Variants in PTPRH observed in about 807,000 individuals in gnomAD.
The protein encoded by PTPRH is receptor-type tyrosine-protein phosphatase H.
Under a neutral mutation model 130.2 loss-of-function variants are expected in PTPRH, and 113 were observed. That is an observed-to-expected ratio of 0.87 (90% CI 0.75 to 1.01). The LOEUF is 1.01. Ranked by LOEUF, PTPRH falls within the 50% of genes least tolerant of loss-of-function variation. The probability of loss-of-function intolerance (pLI) is 0.00; values close to 1 mark genes in which losing one functional copy is unlikely to be tolerated. For missense variants in PTPRH, 1,430 were observed against 1,425.0 expected, an observed-to-expected ratio of 1.00 and a Z score of -0.06; for synonymous variants, 556 against 577.9, an observed-to-expected ratio of 0.96 and a Z score of 0.54.
intron 5 of PTPRH, among the ~76,000 whole-genome samples, chr19:55,203,053 G>A (rs1419683046): frequency 6.6e-6 from 1 of 151,412 alleles, no homozygotes; most frequent in East Asian, 2.0e-4. Context: ...AAAGGGCTGG[G>A]CACGGTGGCT....
intron 10 of PTPRH, among the ~76,000 whole-genome samples, chr19:55,195,150 C>T (rs2147479392): frequency 6.6e-6 from 1 of 152,128 alleles, no homozygotes; most frequent in Non-Finnish European, 1.5e-5. Flanking sequence ...CATAGCAAAA[C>T]CCCATCTCTA....
At chr19:55,194,196 C>T in intron 10 of PTPRH, 1 of 1,289,516 alleles carries the variant, frequency 7.8e-7, no homozygotes, top group Non-Finnish European at 1.0e-6. Context: ...TGGCACAGTT[C>T]TCCCAAGATC....
intron 19 of PTPRH, 49 bp from the exon 20 acceptor site, chr19:55,181,952 C>T (rs775667590): frequency 5.8e-5 from 93 of 1,613,580 alleles, no homozygotes; most frequent in Non-Finnish European, 7.5e-5. Context: ...GTCTGAGCTG[C>T]GTGGAGCCCC....
At chr19:55,184,727 C>A (rs1005922762) in intron 18 of PTPRH, among the ~76,000 whole-genome samples, 2 of 151,736 alleles carry the variant, frequency 1.3e-5, no homozygotes, top group Admixed American at 6.6e-5. Flanking sequence ...GCAGAGGTTG[C>A]AGTGAGCTGA....
intron 4 of PTPRH, among the ~76,000 whole-genome samples, chr19:55,204,261 A>C (rs909225766): frequency 1.3e-5 from 2 of 152,144 alleles, no homozygotes; most frequent in African/African-American, 2.4e-5. Context: ...GTGGGACTAC[A>C]GGTCTGCACC....
In PTPRH at chr19:55,200,311, T is replaced by C. The variant is rs747484540; in HGVS notation, c.1345A>G (p.Thr449Ala). 1.9e-6 allele frequency: 3 copies of C among 1,614,168 alleles called. No individual in the cohort carries two copies. Among genetic ancestry groups the C allele is most frequent in the Non-Finnish European group, 2.5e-6 (3 of 1,180,030 alleles). ...GCCCATACAGAGAATGTGTACAAGG[T>C]TCCGGGCTCAAGTCTCTCAGCTGTC... Reference protein sequence around the residue: ...SVTAERLEPGTLYTFSVWAEK... With the variant: ...SVTAERLEPGALYTFSVWAEK... Residue 449 changes from threonine to alanine, a missense_variant, in exon 7 of 20, where the codon ACC (threonine) becomes GCC (alanine). Transcript: ENST00000376350.
chr19:55,189,583 C>A (rs561823990), intron 12 of PTPRH: 2 of 426,690 alleles, frequency 4.7e-6, no homozygotes, highest in African/African-American at 2.0e-5. Flanking sequence ...CTGGGAGCGC[C>A]TTTCCCAGAT....
Position 55,197,237 on chromosome 19 carries a change from T to C in PTPRH, c.1870A>G (p.Arg624Gly), listed in dbSNP as rs1854935217. The C allele has an allele frequency of 1.2e-6, 2 of 1,614,278 alleles. No individual in the cohort carries two copies. Among genetic ancestry groups the C allele is most frequent in the Non-Finnish European group, 1.7e-6 (2 of 1,180,050 alleles). ...PQANWVNQTS[R>G]TNETWYKVEA... ...ACTTTGTACCACGTCTCATTGGTCC[T>C]GCTGGTCTGGTTGACCCAATTCGCT... Residue 624 changes from arginine (R) to glycine (G), a missense_variant, in exon 9 of 20, where the codon AGG (arginine) becomes GGG (glycine). Physicochemically the swap from Arg to Gly is moderately radical, Grantham distance 125. Transcript: ENST00000376350.
At chr19:55,197,772 A>C (rs926238211) in intron 8 of PTPRH, among the ~76,000 whole-genome samples, 3 of 151,750 alleles carry the variant, frequency 2.0e-5, no homozygotes, top group Non-Finnish European at 2.9e-5. Context: ...GTAGTCCTCC[A>C]CCTCTCATGG....
intron 16 of PTPRH, 88 bp downstream of exon 16, chr19:55,186,137 C>T (rs537618417): frequency 1.0e-5 from 16 of 1,569,134 alleles, no homozygotes; most frequent in East Asian, 2.3e-5. Flanking sequence ...TGGAGGAATC[C>T]GTAAGGTCTG....
At chr19:55,184,805 T>TAATAAAATAAAATAA (rs1468994145) in intron 18 of PTPRH, among the ~76,000 whole-genome samples, 2,223 of 150,744 alleles carry the variant, frequency 0.015, 66 homozygotes, top group African/African-American at 0.05. Context: ...TAAAATAAAA[T>TAATAAAATAAAATAA]AATAAAATAA....
intron 12 of PTPRH, 93 bp from the exon 13 acceptor site, chr19:55,188,261 C>G (rs2086424694): frequency 1.9e-6 from 2 of 1,045,512 alleles, no homozygotes; most frequent in South Asian, 2.6e-5. Context: ...GCCTGTAATC[C>G]CAGCACTTTG....
Position 55,186,558 on chromosome 19 carries a change from C to T in PTPRH, c.2567-18G>A, listed in dbSNP as rs1009884305. ...CCAGTCATCTAGGAGAAGAGGCCAG[C>T]ATTAGCCAGGCAGAGAGACCCAGAG... On this transcript the variant is annotated intron_variant, in intron 14 of 19. Coordinates refer to ENST00000376350, the MANE Select transcript of PTPRH (RefSeq NM_002842.5). The T allele has an allele frequency of 9.6e-6, 12 of 1,243,852 alleles. No individual in the cohort carries two copies. In the Admixed American group the frequency reaches 1.7e-4, roughly 18 times the overall value. 77.1% of individuals were successfully genotyped at this position (1,243,852 alleles called of 1,614,324 possible).
At position 55,200,469 on chromosome 19, in the gene PTPRH, G is replaced by T. The variant is rs1277184318; in HGVS notation, c.1187C>A (p.Thr396Asn). 1.2e-6 allele frequency: 2 copies of T among 1,614,040 alleles called. No homozygotes were observed. Among genetic ancestry groups the T allele is most frequent in the Non-Finnish European group, 1.7e-6 (2 of 1,180,032 alleles). Residue 396 changes from threonine (T) to asparagine (N), a missense_variant, in exon 7 of 20, where the codon ACT (threonine) becomes AAT (asparagine). Physicochemically the swap from Thr to Asn is moderately conservative, Grantham distance 65 (BLOSUM62 0). Transcript: ENST00000376350. The part of the protein sequence containing the change: ...PNPVRNLHME[T>N]QTNSSIALCW... ...TAGGGCGATGGAGCTGTTGGTCTGA[G>T]TCTCCATATGGAGGTTTCTCACTGG...
chr19:55,206,838 G>A lies in PTPRH; in HGVS notation c.203C>T (p.Thr68Ile). The A allele has an allele frequency of 6.2e-7, 1 of 1,614,184 alleles. No individual in the cohort carries two copies. Among genetic ancestry groups the A allele is most frequent in the Non-Finnish European group, 8.5e-7 (1 of 1,180,018 alleles). The change falls in exon 3 of 20, where the codon ACT (threonine) becomes ATT (isoleucine). Residue 68 changes from threonine to isoleucine, a missense_variant. By Grantham distance (89) the Thr-to-Ile change is moderately conservative. Coordinates refer to ENST00000376350, the MANE Select transcript of PTPRH (RefSeq NM_002842.5). ...SQNSNYWVQC[T>I]GDGGTTETRN... ...AGTCTCTGTTGTGCCGCCGTCTCCA[G>A]TACACTGAACCCAGTAGTTGGAGTT...
chr19:55,202,895 C>T (rs2086910684), intron 5 of PTPRH, among the ~76,000 whole-genome samples: 2 of 151,940 alleles, frequency 1.3e-5, no homozygotes, highest in Admixed American at 6.6e-5. Flanking sequence ...AAAAGTTAGC[C>T]AGGTATGGTG....
Position 55,202,102 on chromosome 19 carries a change from C to T in PTPRH, c.1107G>A (p.Gly369=), listed in dbSNP as rs536291307. 5.9e-4 allele frequency: 957 copies of T among 1,614,212 alleles called. 12 individuals are homozygous for T. The South Asian group carries it at 9.8e-3, about 17-fold the overall frequency. ...GCLYVFSVWV[G]KNGINSSRET... is the part of the protein sequence containing the mutation. ...CCCGGGAGCTGTTGATTCCATTCTT[C>T]CCCACCCACACGGAAAACACATACA... Residue 369 remains glycine, a synonymous_variant, in exon 6 of 20, where the codon GGG becomes GGA. Transcript: ENST00000376350.
chr19:55,207,629 T>G (rs1200927493), intron 1 of PTPRH, among the ~76,000 whole-genome samples: 1 of 123,280 alleles, frequency 8.1e-6, no homozygotes, highest in Non-Finnish European at 1.7e-5. Flanking sequence ...TCTCGACCTC[T>G]GGTTTGAGGG....
chr19:55,197,499 G>A (rs1057119109), intron 8 of PTPRH, 83 bp from the exon 9 acceptor site: 46 of 1,317,472 alleles, frequency 3.5e-5, no homozygotes, highest in Admixed American at 5.9e-5. Context: ...CCACAGCAAA[G>A]CTGAGATATC....
Sources: allele counts gnomAD v4.1 joint callset (sites outside exome capture counted in the v4.1 genomes callset), GRCh38; gene constraint gnomAD v4.1.1; transcripts MANE v1.5; gene names NCBI Gene and HGNC (gene_info 2026-07-23, HGNC 2026-07-21).